Variants in TRIOBP observed in about 807,000 individuals in gnomAD.
TRIOBP encodes the protein TRIO and F-actin-binding protein.
TRIOBP carries 169 observed loss-of-function variants against 238.8 expected under a neutral mutation model. That is an observed-to-expected ratio of 0.71 (90% confidence interval 0.62 to 0.80). The LOEUF (loss-of-function observed/expected upper bound fraction) is 0.80. Ranked by LOEUF, TRIOBP falls within the 30% of genes least tolerant of loss-of-function variation. The probability of loss-of-function intolerance (pLI) is 0.00; values close to 1 mark genes in which losing one functional copy is unlikely to be tolerated. For synonymous variants in TRIOBP, 1,150 were observed against 1,274.4 expected, an observed-to-expected ratio of 0.90 and a Z score of 2.08; for missense variants, 2,838 against 3,122.6, an observed-to-expected ratio of 0.91 and a Z score of 2.17.
intron 7 of TRIOBP, among the ~76,000 whole-genome samples, chr22:37,728,982 C>T (rs1239426178): frequency 6.6e-6 from 1 of 152,040 alleles, no homozygotes; most frequent in Non-Finnish European, 1.5e-5. Flanking sequence ...GTAGTGCAAT[C>T]TTGGCTCACT....
At chr22:37,758,682 TAAAAA>T (rs563727998) in intron 16 of TRIOBP, among the ~76,000 whole-genome samples, 2 of 124,982 alleles carry the variant, frequency 1.6e-5, no homozygotes, top group Non-Finnish European at 3.2e-5. Flanking sequence ...TGTCTCAGAT[TAAAAA>T]AAAAAAAGAA....
Position 37,715,759 on chromosome 22 carries a change from G to C in TRIOBP, c.457-4G>C. 6.2e-7 allele frequency: 1 copy of C among 1,613,738 alleles called. No homozygotes were observed. Among genetic ancestry groups the C allele is most frequent in the Non-Finnish European group, 8.5e-7 (1 of 1,179,974 alleles). On this transcript the variant is annotated splice_polypyrimidine_tract_variant and splice_region_variant and intron_variant, in intron 5 of 23. Transcript: ENST00000644935. ...ACATACTTTCTCCTCCCCTTCTCTG[G>C]CAGGACTGGGACACTGTTGAGAGGC...
intron 6 of TRIOBP, among the ~76,000 whole-genome samples, chr22:37,717,870 A>T (rs1923607518): frequency 6.6e-6 from 1 of 152,184 alleles, no homozygotes; most frequent in Admixed American, 6.5e-5. Flanking sequence ...GGTTGATGGG[A>T]CTGGGCGCTG....
chr22:37,771,957 T>C (rs1037224500), intron 22 of TRIOBP: 3 of 653,498 alleles, frequency 4.6e-6, no homozygotes, highest in African/African-American at 1.8e-5. Context: ...GGCTTCTGTT[T>C]ATTTAGCATT....
At chr22:37,728,825 G>A (rs1435709276) in intron 7 of TRIOBP, among the ~76,000 whole-genome samples, 3 of 152,204 alleles carry the variant, frequency 2.0e-5, no homozygotes, top group African/African-American at 7.2e-5. Flanking sequence ...TCTTGGTGAT[G>A]TACAGCCTAT....
intron 12 of TRIOBP, among the ~76,000 whole-genome samples, chr22:37,754,071 G>A (rs181286848): frequency 3.1e-4 from 47 of 152,272 alleles, no homozygotes; most frequent in African/African-American, 1.0e-3. Context: ...AGCTTAGGGC[G>A]CTCTCACCTG....
At position 37,733,503 on chromosome 22, in the gene TRIOBP, A is replaced by T. The variant is rs375996738; in HGVS notation, c.4062+91A>T. Reference sequence around the variant, plus strand: ...TAGAAGCCAGGCAGGGGGCTTGGACAGGAAGGTCCTCTATGAAAGGGTCGG... The same window carrying T: ...TAGAAGCCAGGCAGGGGGCTTGGACTGGAAGGTCCTCTATGAAAGGGTCGG... On this transcript the variant is annotated intron_variant, in intron 8 of 23. Coordinates refer to ENST00000644935, the MANE Select transcript of TRIOBP (RefSeq NM_001039141.3). 3 of 998,082 alleles carry T rather than the reference A, an allele frequency of 3.0e-6. No individual in the cohort carries two copies. The East Asian group carries it at 7.8e-5, about 26-fold the overall frequency. The allele number at this position is 998,082 out of a possible 1,614,324, so 61.8% of individuals were successfully genotyped here. A position where few individuals can be genotyped will look rare whatever the true frequency, so the allele number is the denominator to read the frequency against.
chr22:37,708,360 C>T lies in TRIOBP; in HGVS notation c.115-2067C>T, dbSNP rs559176012. On this transcript the variant is annotated intron_variant, in intron 3 of 23. Coordinates refer to ENST00000644935, the MANE Select transcript of TRIOBP (RefSeq NM_001039141.3). ...GCCATCAGGAGTTCGAGACCAGTCT[C>T]GCCAACATGGCAAACCCCTGTCTCT... is the stretch of plus-strand genomic sequence containing the variant. 6.2e-3 allele frequency among the ~76,000 whole-genome samples: 948 copies of T among 151,716 alleles called. 2 individuals carry two copies. Among genetic ancestry groups the T allele is most frequent in the Non-Finnish European group, 0.011 (748 of 67,914 alleles).
In TRIOBP at chr22:37,723,648, C is replaced by A; in HGVS notation, c.1092C>A (p.Pro364=). The A allele has an allele frequency of 6.2e-7, 1 of 1,614,012 alleles. No individual in the cohort carries two copies. Among genetic ancestry groups the A allele is most frequent in the Non-Finnish European group, 8.5e-7 (1 of 1,179,998 alleles). Residue 364 remains proline, a synonymous_variant, in exon 7 of 24, where the codon CCC becomes CCA. Coordinates refer to ENST00000644935, the MANE Select transcript of TRIOBP (RefSeq NM_001039141.3). ...CCTCTTCTACCCAGCAGGACAACCC[C>A]CAAACTTCTTTTCCTACTTGTACTC... The part of the protein sequence containing the change: ...PRTSSTQQDN[P]QTSFPTCTPQ...
chr22:37,726,912 GT>G (rs113252773), intron 7 of TRIOBP, among the ~76,000 whole-genome samples: 9 of 145,788 alleles, frequency 6.2e-5, no homozygotes, highest in Admixed American at 1.4e-4. Context: ...TTTATTTTTT[GT>G]TTTTTTTTTT....
chr22:37,702,544 GCTGT>G (rs1922707627), intron 3 of TRIOBP, among the ~76,000 whole-genome samples: 1 of 151,634 alleles, frequency 6.6e-6, no homozygotes, highest in African/African-American at 2.4e-5. Flanking sequence ...CTTGCATCCT[GCTGT>G]CTCTTTGTCA....
intron 3 of TRIOBP, among the ~76,000 whole-genome samples, chr22:37,703,531 G>C (rs1922769579): frequency 7.1e-6 from 1 of 140,234 alleles, no homozygotes; most frequent in Non-Finnish European, 1.5e-5. Flanking sequence ...TTGAGACAGA[G>C]TCTCGTTCTG....
At position 37,726,198 on chromosome 22, in the gene TRIOBP, C is replaced by G; in HGVS notation, c.3642C>G (p.Pro1214=). 3.8e-6 allele frequency: 6 copies of G among 1,561,562 alleles called. No homozygotes were observed. The highest frequency in any genetic ancestry group is 5.2e-6 in the Non-Finnish European group (6 of 1,154,934). The part of the protein sequence containing the change: ...DSLHGSPVLI[P]QVCIGHRDAP... ...TGCATGGCTCCCCAGTGCTGATCCC[C>G]CAAGTGTGCATCGGGCACCGGGATG... Residue 1214 remains proline (P), a synonymous_variant, in exon 7 of 24, where the codon CCC becomes CCG. Coordinates refer to ENST00000644935, the MANE Select transcript of TRIOBP (RefSeq NM_001039141.3).
At position 37,740,878 on chromosome 22, in the gene TRIOBP, T is replaced by G. The variant is rs1337322545; in HGVS notation, c.5185-17T>G. On this transcript the variant is annotated splice_polypyrimidine_tract_variant and intron_variant, in intron 10 of 23. Coordinates refer to ENST00000644935, the MANE Select transcript of TRIOBP (RefSeq NM_001039141.3). ...TGCCAAAGGGACCTGGGGCCAACAC[T>G]GGACCCTGTTTGACAGGCAGACAAG... 20 of 1,565,334 alleles carry G rather than the reference T, an allele frequency of 1.3e-5. No homozygotes were observed. The highest frequency in any genetic ancestry group is 1.7e-5 in the Non-Finnish European group (20 of 1,154,574).
chr22:37,739,508 G>A (rs1569048488), intron 10 of TRIOBP, among the ~76,000 whole-genome samples: 1 of 152,200 alleles, frequency 6.6e-6, no homozygotes, highest in Non-Finnish European at 1.5e-5. Flanking sequence ...GTGCAGATGA[G>A]GAAATGGAGG....
chr22:37,701,544 G>A, intron 3 of TRIOBP, 65 bp downstream of exon 3: 1 of 1,207,682 alleles, frequency 8.3e-7, no homozygotes. Context: ...GACTGGGCCT[G>A]TGGTGTCCGC....
At chr22:37,754,100 A>G (rs1371964846) in intron 12 of TRIOBP, among the ~76,000 whole-genome samples, 2 of 152,186 alleles carry the variant, frequency 1.3e-5, no homozygotes, top group African/African-American at 2.4e-5. Flanking sequence ...GTGGGTAGCC[A>G]GCCTACAGTT....
At chr22:37,703,035 C>T (rs1441696982) in intron 3 of TRIOBP, among the ~76,000 whole-genome samples, 5 of 150,872 alleles carry the variant, frequency 3.3e-5, no homozygotes, top group Admixed American at 1.3e-4. Flanking sequence ...CTCTCTCTGT[C>T]GCCAGGCTAG....
chr22:37,766,012 TA>T (rs1450688360), intron 18 of TRIOBP, among the ~76,000 whole-genome samples, 195 bp downstream of exon 18: 1 of 152,122 alleles, frequency 6.6e-6, no homozygotes, highest in Non-Finnish European at 1.5e-5. Flanking sequence ...ACTGAGGCAG[TA>T]AAAGATACCC....
Sources: gnomAD v4.1 joint callset for allele counts (sites outside exome capture counted in the v4.1 genomes callset) on GRCh38, gnomAD v4.1.1 for gene constraint, MANE v1.5 for transcripts, NCBI Gene and HGNC (gene_info 2026-07-23, HGNC 2026-07-21) for gene names.